Variants in CNKSR3 observed in about 807,000 individuals in gnomAD.
CNKSR3 encodes the protein CNKSR family member 3.
In CNKSR3, 36 loss-of-function variants were observed where a neutral mutation model predicts 67.7. That is an observed-to-expected ratio of 0.53 (90% CI 0.41 to 0.70). The LOEUF is 0.70. Ranked by LOEUF, CNKSR3 falls within the 30% of genes least tolerant of loss-of-function variation. CNKSR3 has a pLI of 0.00. For synonymous variants in CNKSR3, 281 were observed against 271.4 expected (o/e 1.04, Z -0.35); for missense variants, 630 against 695.2 (o/e 0.91, Z 1.05).
intron 2 of CNKSR3, among the ~76,000 whole-genome samples, chr6:154,444,614 T>C (rs1040733785): frequency 2.0e-5 from 3 of 151,102 alleles, no homozygotes; most frequent in Non-Finnish European, 4.4e-5. Flanking sequence ...ACTTTTTTTT[T>C]TTTTTTTTTT....
At chr6:154,419,859 C>T (rs936865192) in intron 9 of CNKSR3, among the ~76,000 whole-genome samples, 2 of 152,108 alleles carry the variant, frequency 1.3e-5, no homozygotes, top group African/African-American at 2.4e-5. Context: ...GCGGGCGGAA[C>T]ACCTGAGGTC....
chr6:154,474,427 G>C (rs201320700), intron 1 of CNKSR3, among the ~76,000 whole-genome samples: 3 of 70,584 alleles, frequency 4.3e-5, no homozygotes, highest in East Asian at 5.7e-4. Context: ...AAAAAAAAGT[G>C]GGGGGGGGCA....
chr6:154,510,199 C>T lies in CNKSR3; in HGVS notation c.-85G>A. ...GCTCCGGTGCCCCTTCCCGGGAGGGCGCGCCCGCGGCTGCTCCCCTGCGCC... is the reference window on the plus strand; with the variant it reads ...GCTCCGGTGCCCCTTCCCGGGAGGGTGCGCCCGCGGCTGCTCCCCTGCGCC... On this transcript the variant is annotated 5_prime_UTR_variant, in exon 1 of 13. Coordinates refer to ENST00000607772, the MANE Select transcript of CNKSR3 (RefSeq NM_173515.4). 3 of 1,534,182 alleles carry T rather than the reference C, an allele frequency of 2.0e-6. No individual in the cohort carries two copies. Among genetic ancestry groups the T allele is most frequent in the East Asian group, 2.3e-5 (1 of 44,398 alleles).
intron 1 of CNKSR3, among the ~76,000 whole-genome samples, chr6:154,454,085 A>G (rs1785896049): frequency 2.1e-5 from 1 of 47,314 alleles, no homozygotes; most frequent in African/African-American, 7.9e-5. Context: ...AGATGAAAAC[A>G]CACACACACA....
At chr6:154,497,247 C>T (rs1003222324) in intron 1 of CNKSR3, among the ~76,000 whole-genome samples, 17 of 151,496 alleles carry the variant, frequency 1.1e-4, no homozygotes, top group African/African-American at 4.1e-4. Flanking sequence ...AAAAATTAGC[C>T]AGGTGTGGTG....
chr6:154,507,810 G>C (rs1012715657), intron 1 of CNKSR3, among the ~76,000 whole-genome samples: 1 of 152,186 alleles, frequency 6.6e-6, no homozygotes, highest in African/African-American at 2.4e-5. Flanking sequence ...ACTTTTCCTA[G>C]ATGAAAGTAA....
chr6:154,451,514 C>T (rs547914042), intron 1 of CNKSR3, among the ~76,000 whole-genome samples: 1,192 of 117,616 alleles, frequency 0.01, 3 homozygotes, highest in Non-Finnish European at 0.015. Context: ...CACACACACG[C>T]GCACACTCGT....
At chr6:154,420,670 C>T (rs11964776) in intron 9 of CNKSR3, among the ~76,000 whole-genome samples, 68,090 of 126,218 alleles carry the variant, frequency 0.54, 18,004 homozygotes, top group African/African-American at 0.63. Context: ...GCCTGGGCGA[C>T]AGAGCGAGAC....
chr6:154,427,734 GAGACATA>G (rs1785284092), intron 7 of CNKSR3, among the ~76,000 whole-genome samples: 2 of 152,024 alleles, frequency 1.3e-5, no homozygotes, highest in Admixed American at 6.6e-5. Flanking sequence ...AGCTGCTTTG[GAGACATA>G]AAAATTCCAT....
In CNKSR3 at chr6:154,407,475, C is replaced by T. The variant is rs556379155; in HGVS notation, c.1370-823G>A. ...AAATGTGCAAAGATCTATGGACTCACGGATGCTTACTGAAACATTTATTTT... is the reference window on the plus strand; with the variant it reads ...AAATGTGCAAAGATCTATGGACTCATGGATGCTTACTGAAACATTTATTTT... On this transcript the variant is annotated intron_variant, in intron 12 of 12. Transcript: ENST00000607772. Among the ~76,000 whole-genome samples the T allele has an allele frequency of 2.4e-4, 37 of 152,270 alleles. No homozygotes were observed. In the South Asian group the frequency reaches 6.4e-3, roughly 26 times the overall value.
chr6:154,410,272 G>A, intron 12 of CNKSR3, 71 bp downstream of exon 12: 1 of 1,028,266 alleles, frequency 9.7e-7, no homozygotes, highest in South Asian at 1.3e-5. Flanking sequence ...TTTAGAAACA[G>A]AGGTGAAACC....
intron 12 of CNKSR3, among the ~76,000 whole-genome samples, chr6:154,407,297 A>T (rs568377309): frequency 6.6e-6 from 1 of 152,340 alleles, no homozygotes; most frequent in African/African-American, 2.4e-5. Context: ...GCATTCAGGA[A>T]CATTCCCGAA....
intron 4 of CNKSR3, among the ~76,000 whole-genome samples, chr6:154,440,053 T>C (rs937283630): frequency 5.3e-5 from 8 of 152,190 alleles, no homozygotes; most frequent in Non-Finnish European, 1.2e-4. Context: ...ATCAGACTCT[T>C]TTTTGTCAAA....
At chr6:154,423,780 G>A (rs982758738) in intron 7 of CNKSR3, among the ~76,000 whole-genome samples, 2 of 152,076 alleles carry the variant, frequency 1.3e-5, no homozygotes, top group Non-Finnish European at 2.9e-5. Flanking sequence ...ATAGAAAGTT[G>A]GTGGCAACAG....
intron 1 of CNKSR3, among the ~76,000 whole-genome samples, chr6:154,480,358 G>C (rs1181810090): frequency 6.6e-6 from 1 of 152,198 alleles, no homozygotes; most frequent in Non-Finnish European, 1.5e-5. Context: ...TTGAGTGCTA[G>C]AGTGAGGATT....
chr6:154,508,794 G>A lies in CNKSR3; in HGVS notation c.52+1269C>T, dbSNP rs146955661. 1.1e-4 allele frequency among the ~76,000 whole-genome samples: 16 copies of A among 152,322 alleles called. No individual in the cohort carries two copies. In the East Asian group the frequency reaches 3.1e-3, roughly 29 times the overall value. ...CTCAAGGAGTTCTCCCAGAGGAGCAGGAAATGGTCAGACATACCCACTGAC... is the reference window on the plus strand; with the variant it reads ...CTCAAGGAGTTCTCCCAGAGGAGCAAGAAATGGTCAGACATACCCACTGAC... On this transcript the variant is annotated intron_variant, in intron 1 of 12. Transcript: ENST00000607772.
chr6:154,481,883 A>G (rs1786574463), intron 1 of CNKSR3, among the ~76,000 whole-genome samples: 1 of 152,158 alleles, frequency 6.6e-6, no homozygotes, highest in Non-Finnish European at 1.5e-5. Context: ...CAAAACACCA[A>G]GTCCCATCAG....
intron 1 of CNKSR3, among the ~76,000 whole-genome samples, chr6:154,480,415 C>G (rs1786541801): frequency 6.6e-6 from 1 of 152,198 alleles, no homozygotes; most frequent in Admixed American, 6.5e-5. Context: ...TGCTTTCCCC[C>G]TACAGCAGGT....
intron 1 of CNKSR3, among the ~76,000 whole-genome samples, chr6:154,487,860 C>T (rs1248699443): frequency 6.6e-6 from 1 of 152,264 alleles, no homozygotes; most frequent in East Asian, 1.9e-4. Flanking sequence ...CCTTTATTGC[C>T]AGGGCCCTAA....
Sources: allele counts gnomAD v4.1 joint callset (sites outside exome capture counted in the v4.1 genomes callset), GRCh38; gene constraint gnomAD v4.1.1; transcripts MANE v1.5; gene names NCBI Gene and HGNC (gene_info 2026-07-23, HGNC 2026-07-21).